SYT14: variants seen among roughly 807,000 people sequenced by gnomAD.
SYT14 encodes synaptotagmin 14.
SYT14 carries 32 observed loss-of-function variants against 74.2 expected under a neutral mutation model. That is an observed-to-expected ratio of 0.43 (90% CI 0.33 to 0.58). The LOEUF (loss-of-function observed/expected upper bound fraction) is 0.58. Among genes scored for constraint, SYT14 ranks in the 20% least tolerant of loss-of-function variants. SYT14 has a pLI of 0.05. For missense variants in SYT14, 791 were observed against 981.8 expected, an observed-to-expected ratio of 0.81 and a Z score of 2.60; for synonymous variants, 298 against 337.7, an observed-to-expected ratio of 0.88 and a Z score of 1.29.
At chr1:210,142,175 A>C (rs1258652514) in intron 7 of SYT14, among the ~76,000 whole-genome samples, 1 of 152,164 alleles carries the variant, frequency 6.6e-6, no homozygotes, top group Non-Finnish European at 1.5e-5. Flanking sequence ...CTCCAAACCC[A>C]TTCTTCCCCC....
intron 7 of SYT14, among the ~76,000 whole-genome samples, chr1:210,104,964 A>G (rs896862342): frequency 1.3e-5 from 2 of 152,134 alleles, no homozygotes; most frequent in African/African-American, 4.8e-5. Context: ...GATGTGTTTC[A>G]TCTTGAAATA....
At chr1:210,146,297 C>T (rs897158064) in intron 7 of SYT14, among the ~76,000 whole-genome samples, 37 of 152,006 alleles carry the variant, frequency 2.4e-4, no homozygotes, top group Non-Finnish European at 3.7e-4. Flanking sequence ...CACGCCACTG[C>T]GCTCCAGCCT....
rs540084241 is a variant in SYT14, at chr1:210,168,332, C to G, written c.*7290C>G. 3.9e-5 allele frequency: 6 copies of G among 152,196 alleles called. No individual in the cohort carries two copies. The East Asian group carries it at 1.2e-3, about 29-fold the overall frequency. The allele number at this position is 152,196 out of a possible 1,614,324, so 9.4% of individuals were successfully genotyped here. A position where few individuals can be genotyped will look rare whatever the true frequency, so the allele number is the denominator to read the frequency against. Reference sequence around the variant, plus strand: ...TTTGATAGTCTGTGTTATAAATTGTCTTATTAGGACCCTTCTTCACCCTCT... The same window carrying G: ...TTTGATAGTCTGTGTTATAAATTGTGTTATTAGGACCCTTCTTCACCCTCT... On this transcript the variant is annotated 3_prime_UTR_variant, in exon 10 of 10. Transcript: ENST00000637265.
intron 2 of SYT14, among the ~76,000 whole-genome samples, chr1:210,007,112 G>A (rs1331450742): frequency 3.3e-5 from 5 of 151,530 alleles, no homozygotes; most frequent in Admixed American, 6.6e-5. Flanking sequence ...TGTTACTGAA[G>A]CTTAAATTTT....
intron 2 of SYT14, among the ~76,000 whole-genome samples, chr1:209,995,553 C>G (rs921633282): frequency 6.6e-6 from 1 of 152,084 alleles, no homozygotes; most frequent in Non-Finnish European, 1.5e-5. Flanking sequence ...ACTTCAACAC[C>G]CCACTGACAG....
At chr1:209,965,873 ACTT>A (rs983530337) in intron 2 of SYT14, 10 of 444,908 alleles carry the variant, frequency 2.2e-5, no homozygotes, top group African/African-American at 4.1e-5. Flanking sequence ...TTATTTTTGA[ACTT>A]CTTTTTTTTT....
chr1:210,102,684 C>T lies in SYT14; in HGVS notation c.2034+2223C>T, dbSNP rs138169445. Among the ~76,000 whole-genome samples the T allele has an allele frequency of 2.6e-3, 396 of 151,818 alleles. 2 individuals are homozygous for T. Among genetic ancestry groups the T allele is most frequent in the African/African-American group, 9.0e-3 (372 of 41,394 alleles). On this transcript the variant is annotated intron_variant, in intron 7 of 9. Coordinates refer to ENST00000637265, the Ensembl canonical transcript of SYT14. The stretch of plus-strand genomic sequence containing the variant: ...CATTTGTTCTAGTTGCTTTTTTTCC[C>T]CAGAGTCAGGGTCTCACTCTGGGAA...
intron 1 of SYT14, among the ~76,000 whole-genome samples, chr1:209,951,106 A>T (rs2078905058): frequency 6.6e-6 from 1 of 152,190 alleles, no homozygotes; most frequent in African/African-American, 2.4e-5. Context: ...CATATCAGTC[A>T]CTTCACCTTT....
chr1:210,014,172 G>C (rs996645658), intron 3 of SYT14, among the ~76,000 whole-genome samples: 10 of 152,000 alleles, frequency 6.6e-5, no homozygotes, highest in Admixed American at 5.2e-4. Context: ...TCCCTAGAAT[G>C]CTTTTGAAAG....
chr1:210,155,815 T>C (rs1240846852), exon 8 of SYT14: 1 of 1,613,980 alleles, frequency 6.2e-7, no homozygotes, highest in Non-Finnish European at 8.5e-7. Context: ...CCAGAAATTC[T>C]TATTGGCCTG....
chr1:209,987,936 T>C (rs2102825435), intron 2 of SYT14, among the ~76,000 whole-genome samples: 1 of 152,316 alleles, frequency 6.6e-6, no homozygotes, highest in Non-Finnish European at 1.5e-5. Context: ...TTCCTTTGTG[T>C]AGTTTTCTTC....
chr1:210,109,301 C>G (rs768587831), intron 7 of SYT14, among the ~76,000 whole-genome samples: 3 of 151,902 alleles, frequency 2.0e-5, no homozygotes, highest in African/African-American at 7.2e-5. Flanking sequence ...GAAAACAGAC[C>G]GGGCGCGTTG....
chr1:210,106,948 G>A (rs1404266636), intron 7 of SYT14, among the ~76,000 whole-genome samples: 1 of 152,180 alleles, frequency 6.6e-6, no homozygotes, highest in Non-Finnish European at 1.5e-5. Context: ...GAAATAAAAA[G>A]CAAGTTAGTT....
intron 2 of SYT14, among the ~76,000 whole-genome samples, chr1:209,965,345 G>A (rs978025391): frequency 6.6e-6 from 1 of 152,120 alleles, no homozygotes; most frequent in African/African-American, 2.4e-5. Flanking sequence ...ATTCACTTAG[G>A]ATGATGGCCT....
intron 5 of SYT14, among the ~76,000 whole-genome samples, chr1:210,039,406 C>T (rs989260378): frequency 5.9e-5 from 9 of 151,908 alleles, no homozygotes; most frequent in African/African-American, 1.7e-4. Flanking sequence ...AAGACTTAAA[C>T]GTAAGACCTA....
At chr1:210,066,084 C>G (rs2102426467) in intron 5 of SYT14, among the ~76,000 whole-genome samples, 1 of 151,306 alleles carries the variant, frequency 6.6e-6, no homozygotes, top group African/African-American at 2.4e-5. Context: ...GCATAGTATT[C>G]CATGGTGTAT....
At chr1:209,994,205 A>C (rs1344806933) in intron 2 of SYT14, among the ~76,000 whole-genome samples, 1 of 152,230 alleles carries the variant, frequency 6.6e-6, no homozygotes, top group Non-Finnish European at 1.5e-5. Context: ...AGGGATGCTC[A>C]TTGAGATTCA....
At chr1:210,047,759 A>G (rs1465774909) in intron 5 of SYT14, among the ~76,000 whole-genome samples, 1 of 152,218 alleles carries the variant, frequency 6.6e-6, no homozygotes, top group African/African-American at 2.4e-5. Context: ...TGAGACTACT[A>G]CAGATGTTTT....
intron 1 of SYT14, among the ~76,000 whole-genome samples, chr1:209,947,276 T>C (rs974290727): frequency 2.6e-5 from 4 of 152,218 alleles, no homozygotes; most frequent in Non-Finnish European, 4.4e-5. Flanking sequence ...GTAGCTGCCA[T>C]AGATAGTGAT....
Sources: gnomAD v4.1 joint callset for allele counts (sites outside exome capture counted in the v4.1 genomes callset) on GRCh38, gnomAD v4.1.1 for gene constraint, MANE v1.5 for transcripts, NCBI Gene and HGNC (gene_info 2026-07-23, HGNC 2026-07-21) for gene names.